MBNL1: variants seen among roughly 807,000 people sequenced by gnomAD.
MBNL1 encodes the protein muscleblind-like protein 1.
A neutral mutation model predicts 42.2 loss-of-function variants in MBNL1; 8 were observed. The ratio of observed to expected loss-of-function variants is 0.19; its 90% CI spans 0.11 to 0.34. MBNL1 has a LOEUF of 0.34. MBNL1 is among the 10% of genes least tolerant of loss of function. The pLI is 1.00. For missense variants in MBNL1, 309 were observed against 495.3 expected (o/e 0.62, Z 3.57); for synonymous variants, 169 against 173.9 (o/e 0.97, Z 0.22).
chr3:152,330,258 A>G (rs1191759716), intron 2 of MBNL1, among the ~76,000 whole-genome samples: 1 of 152,132 alleles, frequency 6.6e-6, no homozygotes, highest in African/African-American at 2.4e-5. Flanking sequence ...GGGACTACAG[A>G]TGCACACCAC....
chr3:152,353,211 T>A (rs1333848767), intron 2 of MBNL1, among the ~76,000 whole-genome samples: 1 of 152,226 alleles, frequency 6.6e-6, no homozygotes, highest in Non-Finnish European at 1.5e-5. Flanking sequence ...GTGTACTCTT[T>A]CATCCAACTA....
intron 2 of MBNL1, among the ~76,000 whole-genome samples, chr3:152,390,100 C>T (rs1035564633): frequency 6.6e-6 from 1 of 151,644 alleles, no homozygotes; most frequent in African/African-American, 2.4e-5. Flanking sequence ...GAACTCCTGA[C>T]CTTGTGATCC....
chr3:152,417,845 A>G (rs1246755759), intron 3 of MBNL1, among the ~76,000 whole-genome samples: 1 of 152,230 alleles, frequency 6.6e-6, no homozygotes, highest in Non-Finnish European at 1.5e-5. Context: ...TCAGCAGATT[A>G]TTAGCAAAGG....
At chr3:152,358,315 A>G (rs951538609) in intron 2 of MBNL1, among the ~76,000 whole-genome samples, 21 of 152,146 alleles carry the variant, frequency 1.4e-4, no homozygotes, top group African/African-American at 5.1e-4. Context: ...TCTCATTTTT[A>G]TTCATATTTA....
At chr3:152,344,702 A>G (rs2093928848) in intron 2 of MBNL1, among the ~76,000 whole-genome samples, 1 of 152,188 alleles carries the variant, frequency 6.6e-6, no homozygotes, top group African/African-American at 2.4e-5. Flanking sequence ...TTTCGAAAAC[A>G]TACATTGTTG....
intron 2 of MBNL1, among the ~76,000 whole-genome samples, chr3:152,394,046 A>G (rs916661295): frequency 1.3e-5 from 2 of 152,172 alleles, no homozygotes; most frequent in South Asian, 2.1e-4. Flanking sequence ...TTCATCCTAC[A>G]TGGTTTTCCA....
chr3:152,371,246 T>C (rs1010285655), intron 2 of MBNL1, among the ~76,000 whole-genome samples: 6 of 152,232 alleles, frequency 3.9e-5, no homozygotes, highest in Non-Finnish European at 2.9e-5. Context: ...TTATTTCTCC[T>C]TCACTTATGA....
intron 2 of MBNL1, among the ~76,000 whole-genome samples, chr3:152,314,083 C>T (rs2068817953): frequency 6.6e-6 from 1 of 152,170 alleles, no homozygotes; most frequent in African/African-American, 2.4e-5. Flanking sequence ...AAAGACTCAC[C>T]TAAGACTTTT....
At chr3:152,362,379 A>G (rs1487082719) in intron 2 of MBNL1, among the ~76,000 whole-genome samples, 1 of 152,166 alleles carries the variant, frequency 6.6e-6, no homozygotes, top group Admixed American at 6.6e-5. Flanking sequence ...TATGATGTAG[A>G]TTCAAAAAAG....
At chr3:152,435,251 T>G (rs1289514511) in intron 4 of MBNL1, among the ~76,000 whole-genome samples, 1 of 152,200 alleles carries the variant, frequency 6.6e-6, no homozygotes, top group Non-Finnish European at 1.5e-5. Context: ...TTCAATCTTC[T>G]GTGTATGGCT....
At chr3:152,367,725 C>G (rs544214644) in intron 2 of MBNL1, among the ~76,000 whole-genome samples, 1 of 152,298 alleles carries the variant, frequency 6.6e-6, no homozygotes, top group Non-Finnish European at 1.5e-5. Context: ...GCGATTCTAA[C>G]TGGCATGAGA....
At chr3:152,356,252 C>T (rs982397413) in intron 2 of MBNL1, among the ~76,000 whole-genome samples, 9 of 136,818 alleles carry the variant, frequency 6.6e-5, no homozygotes, top group African/African-American at 1.4e-4. Flanking sequence ...AAAAAGCACC[C>T]GAAAAACTTA....
chr3:152,335,461 T>A (rs4472028), intron 2 of MBNL1, among the ~76,000 whole-genome samples: 2 of 151,972 alleles, frequency 1.3e-5, no homozygotes, highest in Non-Finnish European at 2.9e-5. Flanking sequence ...AATACTAATA[T>A]TGAAGTTTGT....
chr3:152,409,825 C>G (rs2153612234), intron 2 of MBNL1, among the ~76,000 whole-genome samples: 1 of 152,182 alleles, frequency 6.6e-6, no homozygotes, highest in South Asian at 2.1e-4. Context: ...GACTCTGACT[C>G]CACAAATCAC....
intron 2 of MBNL1, among the ~76,000 whole-genome samples, chr3:152,389,897 A>G (rs1467273881): frequency 6.6e-6 from 1 of 152,004 alleles, no homozygotes; most frequent in Non-Finnish European, 1.5e-5. Context: ...ATTTTTTGAG[A>G]TGGAGTCTCG....
In MBNL1 at chr3:152,415,055, G is replaced by A. The variant is rs191999734; in HGVS notation, c.289G>A (p.Ala97Thr). 5.0e-6 allele frequency: 8 copies of A among 1,609,806 alleles called. No individual in the cohort carries two copies. The African/African-American group carries it at 9.4e-5, about 19-fold the overall frequency. ...TCAGCAGAAGAACATGGCCATGTTG[G>A]CCCAGCAAATGCAACTAGCCAATGC... ...LIQQKNMAML[A>T]QQMQLANAMM... The change falls in exon 3 of 10, where the codon GCC (alanine) becomes ACC (threonine). Residue 97 changes from alanine to threonine, a missense_variant. Ala to Thr is a moderately conservative substitution (Grantham distance 58). Transcript: ENST00000324210.
intron 2 of MBNL1, among the ~76,000 whole-genome samples, chr3:152,317,528 C>T (rs1308767846): frequency 6.6e-6 from 1 of 152,102 alleles, no homozygotes; most frequent in Non-Finnish European, 1.5e-5. Flanking sequence ...GCATGTTACC[C>T]AGGCTGGCCT....
At chr3:152,426,359 C>A (rs1472764227) in intron 3 of MBNL1, among the ~76,000 whole-genome samples, 3 of 151,990 alleles carry the variant, frequency 2.0e-5, no homozygotes, top group East Asian at 1.9e-4. Flanking sequence ...TAATAAAAAT[C>A]AAAAATAATC....
intron 2 of MBNL1, among the ~76,000 whole-genome samples, chr3:152,364,211 A>C (rs1028392422): frequency 3.9e-5 from 6 of 152,106 alleles, no homozygotes; most frequent in South Asian, 2.1e-4. Flanking sequence ...ATAGCTCAAG[A>C]AATAGCATCT....
Sources: gnomAD v4.1 joint callset for allele counts (sites outside exome capture counted in the v4.1 genomes callset) on GRCh38, gnomAD v4.1.1 for gene constraint, MANE v1.5 for transcripts, NCBI Gene and HGNC (gene_info 2026-07-23, HGNC 2026-07-21) for gene names.